STAG1: variants seen among roughly 807,000 people sequenced by gnomAD.
The protein encoded by STAG1 is cohesin subunit SA-1.
STAG1 carries 26 observed loss-of-function variants against 170.9 expected under a neutral mutation model. The observed-to-expected ratio is 0.15, with a 90% confidence interval of 0.11 to 0.21. STAG1 has a LOEUF of 0.21. STAG1 is among the 10% of genes least tolerant of loss of function. The pLI is 1.00. For synonymous variants in STAG1, 514 were observed against 497.7 expected (o/e 1.03, Z -0.44); for missense variants, 964 against 1,509.5 (o/e 0.64, Z 5.99).
chr3:136,455,061 C>T (rs536466577), intron 13 of STAG1, among the ~76,000 whole-genome samples: 2 of 152,276 alleles, frequency 1.3e-5, no homozygotes, highest in African/African-American at 4.8e-5. Flanking sequence ...TGGAGTGAAG[C>T]TTTCATTTGC....
At chr3:136,557,968 GA>G (rs1936693479) in intron 5 of STAG1, among the ~76,000 whole-genome samples, 1 of 152,152 alleles carries the variant, frequency 6.6e-6, no homozygotes, top group Non-Finnish European at 1.5e-5. Context: ...GAGATACAAA[GA>G]GAACAAAGAC....
At chr3:136,614,776 T>C (rs1939497450) in intron 3 of STAG1, among the ~76,000 whole-genome samples, 1 of 152,234 alleles carries the variant, frequency 6.6e-6, no homozygotes. Context: ...ATGACTTTCC[T>C]AGAAGTTTTA....
intron 2 of STAG1, among the ~76,000 whole-genome samples, chr3:136,623,628 C>CA (rs557649992): frequency 3.7e-4 from 54 of 147,812 alleles, no homozygotes; most frequent in East Asian, 3.3e-3. Flanking sequence ...CCAGTCTTTT[C>CA]AAAAAAAAAA....
chr3:136,492,552 A>G (rs2090143243), intron 9 of STAG1, among the ~76,000 whole-genome samples: 1 of 152,340 alleles, frequency 6.6e-6, no homozygotes, highest in Admixed American at 6.5e-5. Context: ...AAATTGCACA[A>G]AATGATTTTT....
chr3:136,422,987 G>C lies in STAG1; in HGVS notation c.1708C>G (p.His570Asp). Reference sequence around the variant, plus strand: ...AACATAGGAAGTGTAATAATAAAATGTTCAGTCAATTTGTTTCTATCATCA... The same window carrying C: ...AACATAGGAAGTGTAATAATAAAATCTTCAGTCAATTTGTTTCTATCATCA... ...QIDDRNKLTE[H>D]FIITLPMLLS... is the part of the protein sequence containing the mutation. Residue 570 changes from histidine to aspartate, a missense_variant, in exon 17 of 34, where the codon CAT becomes GAT. Coordinates refer to ENST00000383202, the MANE Select transcript of STAG1 (RefSeq NM_005862.3). The C allele has an allele frequency of 6.2e-7, 1 of 1,607,528 alleles. No homozygotes were observed. Among genetic ancestry groups the C allele is most frequent in the Non-Finnish European group, 8.5e-7 (1 of 1,176,984 alleles).
chr3:136,512,201 G>A (rs1934104341), intron 7 of STAG1, among the ~76,000 whole-genome samples: 1 of 151,574 alleles, frequency 6.6e-6, no homozygotes, highest in East Asian at 1.9e-4. Context: ...CCAGCTTCAG[G>A]AGGCTAAGGC....
At chr3:136,714,326 T>C (rs1943463746) in intron 1 of STAG1, among the ~76,000 whole-genome samples, 1 of 152,186 alleles carries the variant, frequency 6.6e-6, no homozygotes, top group African/African-American at 2.4e-5. Context: ...CCAAGCACAG[T>C]AGCTCACACT....
At chr3:136,681,684 C>T (rs561508301) in intron 1 of STAG1, among the ~76,000 whole-genome samples, 95 of 152,112 alleles carry the variant, frequency 6.2e-4, no homozygotes, top group African/African-American at 2.2e-3. Flanking sequence ...ATTAAAAAGA[C>T]TATAAACCAT....
At chr3:136,363,233 C>T (rs1936945421) in intron 26 of STAG1, 133 bp downstream of exon 26, 4 of 454,764 alleles carry the variant, frequency 8.8e-6, no homozygotes, top group Middle Eastern at 4.3e-4. Context: ...AGAAAATATC[C>T]ACAGTAATGC....
intron 6 of STAG1, 43 bp downstream of exon 6, chr3:136,542,076 A>C (rs1414235058): frequency 7.3e-7 from 1 of 1,378,170 alleles, no homozygotes; most frequent in African/African-American, 1.4e-5. Context: ...TCATCATGTG[A>C]AAGTATAAGT....
chr3:136,562,257 T>C (rs951561366), intron 5 of STAG1, among the ~76,000 whole-genome samples: 2 of 149,906 alleles, frequency 1.3e-5, no homozygotes, highest in African/African-American at 2.5e-5. Flanking sequence ...TTCTGAGTCA[T>C]TTCTTTTTCT....
chr3:136,613,321 A>AAAAAAAAAAAAC (rs1939402980), intron 3 of STAG1, among the ~76,000 whole-genome samples: 1 of 149,836 alleles, frequency 6.7e-6, no homozygotes, highest in Non-Finnish European at 1.5e-5. Context: ...CTCAAAAAAA[A>AAAAAAAAAAAAC]AAAAAAAAAA....
chr3:136,468,438 C>T (rs535236114), intron 12 of STAG1, among the ~76,000 whole-genome samples: 6 of 152,150 alleles, frequency 3.9e-5, no homozygotes, highest in Admixed American at 3.3e-4. Flanking sequence ...ACACATACAC[C>T]CTCCCAAGAC....
chr3:136,412,194 C>T (rs2107712924), intron 21 of STAG1, among the ~76,000 whole-genome samples: 1 of 151,916 alleles, frequency 6.6e-6, no homozygotes, highest in South Asian at 2.1e-4. Context: ...TACAGTGATA[C>T]CAATTTTTTT....
At chr3:136,509,390 G>GAA (rs531486231) in intron 7 of STAG1, among the ~76,000 whole-genome samples, 13 of 116,962 alleles carry the variant, frequency 1.1e-4, no homozygotes, top group Non-Finnish European at 1.3e-4. Context: ...GGACCACTTG[G>GAA]AAAAAAAAAA....
chr3:136,609,349 T>G (rs989441027), intron 3 of STAG1: 2 of 146,482 alleles, frequency 1.4e-5, no homozygotes, highest in African/African-American at 2.6e-5. Context: ...GTATATATAT[T>G]TGTATATATA....
chr3:136,462,906 T>C (rs995531456), intron 13 of STAG1, among the ~76,000 whole-genome samples: 1 of 152,144 alleles, frequency 6.6e-6, no homozygotes, highest in African/African-American at 2.4e-5. Context: ...GAGTTACCAG[T>C]TTATGGCTTC....
intron 28 of STAG1, among the ~76,000 whole-genome samples, chr3:136,355,697 A>G (rs548780699): frequency 2.0e-5 from 3 of 152,366 alleles, no homozygotes; most frequent in South Asian, 2.1e-4. Context: ...ACAAGCCTCA[A>G]TAAATTTAAA....
At chr3:136,673,856 A>G (rs1159569791) in intron 1 of STAG1, among the ~76,000 whole-genome samples, 3 of 151,876 alleles carry the variant, frequency 2.0e-5, no homozygotes, top group Non-Finnish European at 4.4e-5. Context: ...TAATCCCAGC[A>G]CTTTGGGAGG....
Sources: gnomAD v4.1 joint callset for allele counts (sites outside exome capture counted in the v4.1 genomes callset) on GRCh38, gnomAD v4.1.1 for gene constraint, MANE v1.5 for transcripts, NCBI Gene and HGNC (gene_info 2026-07-23, HGNC 2026-07-21) for gene names.